PALD1: variants seen among roughly 807,000 people sequenced by gnomAD.
PALD1 encodes the protein paladin.
PALD1 carries 57 observed loss-of-function variants against 96.0 expected under a neutral mutation model. That is an observed-to-expected ratio of 0.59 (90% CI 0.48 to 0.74). PALD1 has a LOEUF of 0.74. Among genes scored for constraint, PALD1 ranks in the 30% least tolerant of loss-of-function variants. The pLI is 0.00. For synonymous variants in PALD1, 464 were observed against 473.6 expected (o/e 0.98, Z 0.26); for missense variants, 1,063 against 1,143.7 (o/e 0.93, Z 1.02).
chr10:70,485,261 G>C (rs1489254258), intron 1 of PALD1: 1 of 152,220 alleles, frequency 6.6e-6, no homozygotes, highest in Non-Finnish European at 1.5e-5. Context: ...ATACAAAGGA[G>C]AGGTATGTTT....
chr10:70,554,621 G>A (rs1301431852), intron 18 of PALD1, among the ~76,000 whole-genome samples: 1 of 152,072 alleles, frequency 6.6e-6, no homozygotes, highest in Non-Finnish European at 1.5e-5. Flanking sequence ...GCTTGGAAAG[G>A]GAAAATATTT....
intron 1 of PALD1, among the ~76,000 whole-genome samples, chr10:70,504,063 C>T (rs982612106): frequency 1.2e-4 from 19 of 152,162 alleles, no homozygotes; most frequent in African/African-American, 4.1e-4. Context: ...AGTGTCTGCA[C>T]CTGCAAAAAT....
Position 70,564,352 on chromosome 10 carries a change from C to G in PALD1, c.2263-12C>G. The G allele has an allele frequency of 6.2e-7, 1 of 1,609,534 alleles. No individual in the cohort carries two copies. The highest frequency in any genetic ancestry group is 8.5e-7 in the Non-Finnish European group (1 of 1,177,798). On this transcript the variant is annotated splice_polypyrimidine_tract_variant and intron_variant, in intron 18 of 19. Transcript: ENST00000263563. ...TCCCCCCACACTGACCCCACCCTGT[C>G]CTGTCCTCCAGGCGAAGGCAGCGAA...
At chr10:70,498,129 C>G (rs183559783) in intron 1 of PALD1, among the ~76,000 whole-genome samples, 1 of 152,274 alleles carries the variant, frequency 6.6e-6, no homozygotes, top group East Asian at 1.9e-4. Context: ...CTTCCTGTCT[C>G]TGAATTTGAC....
intron 1 of PALD1, among the ~76,000 whole-genome samples, chr10:70,487,676 A>C (rs1409669081): frequency 6.6e-6 from 1 of 151,030 alleles, no homozygotes; most frequent in African/African-American, 2.4e-5. Flanking sequence ...TCCCTTCTCC[A>C]CCACAGTACT....
intron 17 of PALD1, among the ~76,000 whole-genome samples, chr10:70,546,269 G>T (rs1243566764): frequency 6.6e-6 from 1 of 152,070 alleles, no homozygotes; most frequent in Non-Finnish European, 1.5e-5. Context: ...ACAAAAATAA[G>T]CACCTTAGAT....
At chr10:70,482,055 T>C (rs1166129614) in intron 1 of PALD1, among the ~76,000 whole-genome samples, 2 of 152,020 alleles carry the variant, frequency 1.3e-5, no homozygotes, top group Non-Finnish European at 2.9e-5. Context: ...GGTGGGGGCC[T>C]TTGATTATGA....
chr10:70,534,341 C>T (rs955923594), intron 8 of PALD1, 84 bp from the exon 9 acceptor site: 9 of 913,224 alleles, frequency 9.9e-6, no homozygotes, highest in African/African-American at 1.6e-5. Flanking sequence ...TGTCCCCCAG[C>T]GGCCATATGA....
chr10:70,537,926 G>A lies in PALD1; in HGVS notation c.1323+20G>A, dbSNP rs377664542. 3.9e-6 allele frequency: 6 copies of A among 1,524,810 alleles called. No individual in the cohort carries two copies. Among genetic ancestry groups the A allele is most frequent in the Non-Finnish European group, 5.5e-6 (6 of 1,099,482 alleles). The allele number at this position is 1,524,810 out of a possible 1,614,324, so 94.5% of individuals were successfully genotyped here. On this transcript the variant is annotated intron_variant, in intron 11 of 19. Transcript: ENST00000263563. ...GAGCAGGTGGGGCCTGGGAGGAGCA[G>A]ACCCACGTCCCCTCCTCCTGGGCCT...
intron 5 of PALD1, 77 bp downstream of exon 5, chr10:70,531,531 CCTG>C: frequency 7.2e-6 from 10 of 1,381,546 alleles, no homozygotes; most frequent in Non-Finnish European, 9.9e-6. Flanking sequence ...GGCCAGCTCA[CCTG>C]CTCTTACTGG....
rs974903883 is a variant in PALD1, at chr10:70,540,540, G to A, written c.1909-562G>A. On this transcript the variant is annotated intron_variant, in intron 15 of 19. Coordinates refer to ENST00000263563, the MANE Select transcript of PALD1 (RefSeq NM_014431.3). This position sits in a 1 kb window ranked among gnomAD's most constrained non-coding sequence, Gnocchi z 4.2. ...GTGTGTTGTAGGTGAGCCACCGTGTGCGTGGTGCGTGTGTTGTAGGTGGGT... is the reference window on the plus strand; with the variant it reads ...GTGTGTTGTAGGTGAGCCACCGTGTACGTGGTGCGTGTGTTGTAGGTGGGT... Among the ~76,000 whole-genome samples, 2 of 152,036 alleles carry A rather than the reference G, an allele frequency of 1.3e-5. No homozygotes were observed. The highest frequency in any genetic ancestry group is 4.8e-5 in the African/African-American group (2 of 41,352).
chr10:70,470,657 G>A, the PALD1 span, among the ~76,000 whole-genome samples: 1 of 150,486 alleles, frequency 6.6e-6, no homozygotes, highest in African/African-American at 2.4e-5. Context: ...CACCCAGGCT[G>A]GAGTGCAGTG....
chr10:70,559,324 G>T (rs1379501792), intron 18 of PALD1, among the ~76,000 whole-genome samples: 1 of 152,166 alleles, frequency 6.6e-6, no homozygotes, highest in Non-Finnish European at 1.5e-5. Flanking sequence ...GAGGAGCAGA[G>T]CTAGGGAACT....
Position 70,544,021 on chromosome 10 carries a change from A to G in PALD1, c.2121+2487A>G, listed in dbSNP as rs916461084. ...ACCCCTGTACACCCTATCCTCACCCACCCCCAGATAATCTAGACCAGCTTC... is the reference window on the plus strand; with the variant it reads ...ACCCCTGTACACCCTATCCTCACCCGCCCCCAGATAATCTAGACCAGCTTC... On this transcript the variant is annotated intron_variant, in intron 17 of 19. Coordinates refer to ENST00000263563, the MANE Select transcript of PALD1 (RefSeq NM_014431.3). Among the ~76,000 whole-genome samples the G allele has an allele frequency of 4.0e-5, 6 of 151,818 alleles. No homozygotes were observed. The South Asian group carries it at 1.2e-3, about 32-fold the overall frequency.
intron 18 of PALD1, 31 bp from the exon 19 acceptor site, chr10:70,564,333 C>T: frequency 6.3e-7 from 1 of 1,597,344 alleles, no homozygotes; most frequent in Non-Finnish European, 8.5e-7. Context: ...CGGATCCCCC[C>T]ACACTGACCC....
chr10:70,503,129 C>T (rs933591103), intron 1 of PALD1, among the ~76,000 whole-genome samples: 1 of 152,080 alleles, frequency 6.6e-6, no homozygotes, highest in Non-Finnish European at 1.5e-5. Flanking sequence ...ATCTGCCTGC[C>T]TCGGCCTCCC....
intron 1 of PALD1, among the ~76,000 whole-genome samples, chr10:70,500,277 G>A (rs1846268905): frequency 6.6e-6 from 1 of 152,132 alleles, no homozygotes; most frequent in South Asian, 2.1e-4. Context: ...TGTTGCTCAG[G>A]TGCCTCCACA....
intron 18 of PALD1, among the ~76,000 whole-genome samples, chr10:70,552,814 T>A (rs1847508102): frequency 6.6e-6 from 1 of 152,232 alleles, no homozygotes; most frequent in Admixed American, 6.5e-5. Context: ...TGCAGCTGGA[T>A]CAGGATCCAA....
chr10:70,539,360 C>A lies in PALD1; in HGVS notation c.1725+113C>A. 8.3e-7 allele frequency: 1 copy of A among 1,203,918 alleles called. No individual in the cohort carries two copies. The highest frequency in any genetic ancestry group is 1.5e-5 in the South Asian group (1 of 65,724). The allele number at this position is 1,203,918 out of a possible 1,614,324, so 74.6% of individuals were successfully genotyped here. ...CAGACAGATGGAGAATCTGAGGCCC[C>A]GGGAGGAGCAGTGTCAGGGAGTGGC... On this transcript the variant is annotated intron_variant, in intron 14 of 19. Coordinates refer to ENST00000263563, the MANE Select transcript of PALD1 (RefSeq NM_014431.3). This position sits in a 1 kb window ranked among gnomAD's most constrained non-coding sequence, Gnocchi z 4.5.
Sources: gnomAD v4.1 joint callset for allele counts (sites outside exome capture counted in the v4.1 genomes callset) on GRCh38, gnomAD v4.1.1 for gene constraint, Gnocchi (gnomAD v3.1) non-coding constraint, MANE v1.5 for transcripts, NCBI Gene and HGNC (gene_info 2026-07-23, HGNC 2026-07-21) for gene names.